The following ZMYND8 variants were observed in gnomAD, a reference collection of about 807,000 sequenced individuals.
ZMYND8 encodes the protein MYND-type zinc finger-containing chromatin reader ZMYND8.
In ZMYND8, 37 loss-of-function variants were observed where a neutral mutation model predicts 140.8. That is an observed-to-expected ratio of 0.26 (90% CI 0.20 to 0.35). ZMYND8 has a LOEUF of 0.35. Among genes scored for constraint, ZMYND8 ranks in the 10% least tolerant of loss-of-function variants. ZMYND8 has a pLI of 1.00. For missense variants in ZMYND8, 1,068 were observed against 1,570.0 expected (o/e 0.68, Z 5.40); for synonymous variants, 592 against 597.1 (o/e 0.99, Z 0.12).
In ZMYND8 at chr20:47,239,085, T is replaced by C. The variant is rs745967382; in HGVS notation, c.2338A>G (p.Thr780Ala). The C allele has an allele frequency of 6.5e-6, 10 of 1,528,176 alleles. No individual in the cohort carries two copies. The highest frequency in any genetic ancestry group is 8.8e-6 in the Non-Finnish European group (10 of 1,139,684). 94.7% of individuals were successfully genotyped at this position (1,528,176 alleles called of 1,614,324 possible). Residue 780 changes from threonine to alanine, a missense_variant, in exon 15 of 23, where the codon ACA becomes GCA. Thr to Ala is a moderately conservative substitution (Grantham distance 58, BLOSUM62 0). Coordinates refer to ENST00000471951, the MANE Select transcript of ZMYND8 (RefSeq NM_001281775.3). The stretch of plus-strand genomic sequence containing the variant: ...GCGGAAGAGCGGGTGAGCACCGGTG[T>C]TTCCGGGGGAGAATGGCTGCCCACC... Reference protein sequence around the residue: ...TTVGSHSPPETPVLTRSSAQT... With the variant: ...TTVGSHSPPEAPVLTRSSAQT...
At chr20:47,216,533 G>A (rs982178257) in intron 21 of ZMYND8, among the ~76,000 whole-genome samples, 9 of 148,126 alleles carry the variant, frequency 6.1e-5, no homozygotes, top group Non-Finnish European at 8.9e-5. Context: ...CGGGCTGGGC[G>A]TAGTGGCTCA....
At chr20:47,212,750 CAG>C (rs770126003) in intron 21 of ZMYND8, 25 bp from the exon 22 acceptor site, 35 of 1,574,694 alleles carry the variant, frequency 2.2e-5, no homozygotes, top group Non-Finnish European at 2.8e-5. Flanking sequence ...CAGGTAGCCT[CAG>C]AGTCTGTCAG....
At chr20:47,224,896 C>A (rs2037467455) in intron 18 of ZMYND8, among the ~76,000 whole-genome samples, 1 of 147,004 alleles carries the variant, frequency 6.8e-6, no homozygotes, top group Non-Finnish European at 1.5e-5. Flanking sequence ...TCCTATTATT[C>A]ATTAACATAA....
intron 12 of ZMYND8, among the ~76,000 whole-genome samples, chr20:47,253,593 CAGCT>C (rs1436011006): frequency 6.6e-6 from 1 of 151,420 alleles, no homozygotes; most frequent in East Asian, 1.9e-4. Context: ...TCCTAATTGG[CAGCT>C]AAGGCTGAGA....
intron 20 of ZMYND8, among the ~76,000 whole-genome samples, chr20:47,220,541 C>T (rs1476248044): frequency 6.6e-6 from 1 of 152,188 alleles, no homozygotes; most frequent in Non-Finnish European, 1.5e-5. Flanking sequence ...AACGCAGCAC[C>T]AGAGTGGCCC....
At chr20:47,348,102 GT>G in intron 1 of ZMYND8, 176 bp from the exon 2 acceptor site, 1 of 649,128 alleles carries the variant, frequency 1.5e-6, no homozygotes. Context: ...TCCTAAAGGA[GT>G]TTTTTAAAAC....
chr20:47,257,435 T>C (rs1195079331), intron 12 of ZMYND8, among the ~76,000 whole-genome samples: 1 of 151,810 alleles, frequency 6.6e-6, no homozygotes, highest in Non-Finnish European at 1.5e-5. Context: ...CACACAAATA[T>C]ATACCCATAT....
chr20:47,346,472 AC>A (rs2082341282), intron 2 of ZMYND8, among the ~76,000 whole-genome samples: 1 of 151,998 alleles, frequency 6.6e-6, no homozygotes, highest in Admixed American at 6.5e-5. Context: ...AGCACACAGC[AC>A]CCACCCAGTA....
chr20:47,222,530 C>T (rs1450758587), intron 19 of ZMYND8, among the ~76,000 whole-genome samples: 4 of 151,342 alleles, frequency 2.6e-5, no homozygotes, highest in Non-Finnish European at 4.4e-5. Flanking sequence ...AGCGAGACTC[C>T]GTCTCAACGA....
chr20:47,246,022 G>A lies in ZMYND8; in HGVS notation c.2270C>T (p.Ser757Phe). 1 of 1,599,294 alleles carries A rather than the reference G, an allele frequency of 6.3e-7. No individual in the cohort carries two copies. The change falls in exon 14 of 23, where the codon TCT (serine) becomes TTT (phenylalanine). Residue 757 changes from serine to phenylalanine, a missense_variant. By Grantham distance (155) the Ser-to-Phe change is radical. Coordinates refer to ENST00000471951, the MANE Select transcript of ZMYND8 (RefSeq NM_001281775.3). ...RKNKKEPKEP[S>F]PKQDVVGKTP... Reference sequence around the variant, plus strand: ...CAATCACTTACCATCCTGTTTGGGAGATGGTTCTTTGGGTTCCTTCTTATT... The same window carrying A: ...CAATCACTTACCATCCTGTTTGGGAAATGGTTCTTTGGGTTCCTTCTTATT...
Position 47,261,380 on chromosome 20 carries a change from T to C in ZMYND8, c.1621+908A>G, listed in dbSNP as rs117596229. Among the ~76,000 whole-genome samples, 1,133 of 151,860 alleles carry C rather than the reference T, an allele frequency of 7.5e-3. 7 individuals carry two copies. The highest frequency in any genetic ancestry group is 0.012 in the Non-Finnish European group (829 of 67,908). On this transcript the variant is annotated intron_variant, in intron 12 of 22. Coordinates refer to ENST00000471951, the MANE Select transcript of ZMYND8 (RefSeq NM_001281775.3). The stretch of plus-strand genomic sequence containing the variant: ...AGCAAGACCCAATCACTACAAAAAA[T>C]TAGCTGAGTATGTAGCTAAAAACTA...
intron 7 of ZMYND8, among the ~76,000 whole-genome samples, chr20:47,288,833 C>T (rs1569106464): frequency 6.6e-6 from 1 of 152,172 alleles, no homozygotes; most frequent in African/African-American, 2.4e-5. Flanking sequence ...CTGGCGTGGT[C>T]TCTAATGCCT....
rs1165044901 is a variant in ZMYND8, at chr20:47,316,205, C to G, written c.86-6001G>C. ...AATTAGCTGAATGTGATGGTGAGCA[C>G]CTATAATCCCAGCTACTCAGGAGGC... On this transcript the variant is annotated intron_variant, in intron 2 of 22. Transcript: ENST00000471951. Among the ~76,000 whole-genome samples the G allele has an allele frequency of 2.0e-5, 3 of 151,964 alleles. No individual in the cohort carries two copies. The South Asian group carries it at 6.3e-4, about 32-fold the overall frequency.
At chr20:47,300,425 A>G (rs1601715340) in intron 3 of ZMYND8, among the ~76,000 whole-genome samples, 1 of 152,262 alleles carries the variant, frequency 6.6e-6, no homozygotes, top group Non-Finnish European at 1.5e-5. Context: ...AATATCTTCT[A>G]CGTTGGTGAG....
chr20:47,347,789 C>A, intron 2 of ZMYND8, 67 bp downstream of exon 2: 1 of 1,553,866 alleles, frequency 6.4e-7, no homozygotes, highest in Admixed American at 1.7e-5. Context: ...CACTGCACTA[C>A]AACAACAAAA....
At chr20:47,296,710 A>G (rs2077657682) in intron 4 of ZMYND8, among the ~76,000 whole-genome samples, 1 of 152,100 alleles carries the variant, frequency 6.6e-6, no homozygotes, top group African/African-American at 2.4e-5. Flanking sequence ...AATCCCAACA[A>G]TTTGGGAGGT....
chr20:47,262,504 G>C lies in ZMYND8; in HGVS notation c.1481-76C>G. The C allele has an allele frequency of 3.8e-6, 6 of 1,566,384 alleles. No homozygotes were observed. In the East Asian group the frequency reaches 1.1e-4, roughly 30 times the overall value. On this transcript the variant is annotated intron_variant, in intron 11 of 22. Coordinates refer to ENST00000471951, the MANE Select transcript of ZMYND8 (RefSeq NM_001281775.3). ...AACGTGTAGGTGTGGTGTAGGGAGA[G>C]AATGGAGAGATTATGAAATTGTGTT...
chr20:47,246,176 T>C lies in ZMYND8; in HGVS notation c.2116A>G (p.Ile706Val), dbSNP rs967385410. Residue 706 changes from isoleucine (I) to valine (V), a missense_variant, in exon 14 of 23, where the codon ATA (isoleucine) becomes GTA (valine). Transcript: ENST00000471951. Reference sequence around the variant, plus strand: ...TCTTTTCCCTTCAGTTTATCCTTTATGGGGTGAGGTGAAGGTTTTGCCTTT... The same window carrying C: ...TCTTTTCCCTTCAGTTTATCCTTTACGGGGTGAGGTGAAGGTTTTGCCTTT... ...SEKAKPSPHP[I>V]KDKLKGKDET... The C allele has an allele frequency of 3.1e-6, 5 of 1,614,058 alleles. No homozygotes were observed. Among genetic ancestry groups the C allele is most frequent in the African/African-American group, 2.7e-5 (2 of 74,916 alleles).
chr20:47,239,555 G>A (rs574120064), intron 14 of ZMYND8, among the ~76,000 whole-genome samples: 114 of 152,212 alleles, frequency 7.5e-4, no homozygotes, highest in Non-Finnish European at 1.2e-3. Flanking sequence ...AGTCAATCCA[G>A]ACAGGAAGAG....
Sources: allele counts gnomAD v4.1 joint callset (sites outside exome capture counted in the v4.1 genomes callset), GRCh38; gene constraint gnomAD v4.1.1; transcripts MANE v1.5; gene names NCBI Gene and HGNC (gene_info 2026-07-23, HGNC 2026-07-21).